The following AUTS2 variants were observed in gnomAD, a reference collection of about 807,000 sequenced individuals.
The protein encoded by AUTS2 is autism susceptibility gene 2 protein.
In AUTS2, 17 loss-of-function variants were observed where a neutral mutation model predicts 112.4. The observed-to-expected ratio is 0.15, with a 90% CI of 0.10 to 0.23. The LOEUF (loss-of-function observed/expected upper bound fraction) is 0.23. Among genes scored for constraint, AUTS2 ranks in the 10% least tolerant of loss-of-function variants. The pLI, the probability that AUTS2 is intolerant of heterozygous loss-of-function variation, is 1.00. For synonymous variants in AUTS2, 751 were observed against 702.7 expected, an observed-to-expected ratio of 1.07 and a Z score of -1.09; for missense variants, 1,510 against 1,701.6, an observed-to-expected ratio of 0.89 and a Z score of 1.98.
chr7:70,526,052 G>GA (rs200670298), intron 5 of AUTS2, among the ~76,000 whole-genome samples: 4 of 151,028 alleles, frequency 2.6e-5, no homozygotes, highest in Non-Finnish European at 5.9e-5. Flanking sequence ...CCTACCTAGA[G>GA]AAAAAAAAAT....
At chr7:69,959,162 C>T (rs1768665796) in intron 2 of AUTS2, among the ~76,000 whole-genome samples, 1 of 152,158 alleles carries the variant, frequency 6.6e-6, no homozygotes, top group African/African-American at 2.4e-5. Flanking sequence ...CTACCCTGTC[C>T]TTCCTAATAT....
At chr7:70,301,535 C>T (rs1160239552) in intron 4 of AUTS2, among the ~76,000 whole-genome samples, 2 of 152,076 alleles carry the variant, frequency 1.3e-5, no homozygotes, top group Non-Finnish European at 2.9e-5. Context: ...GCTTTGAAGA[C>T]GTGCAACATT....
At chr7:70,753,714 A>G (rs1210151905) in intron 6 of AUTS2, among the ~76,000 whole-genome samples, 1 of 152,268 alleles carries the variant, frequency 6.6e-6, no homozygotes, top group Non-Finnish European at 1.5e-5. Context: ...TTTTGGAGAT[A>G]CAATCAAAAC....
In AUTS2 at chr7:70,465,052, A is replaced by G. The variant is rs545710857; in HGVS notation, c.690+29271A>G. ...GAGGGAGAGAGAAGAGAAAATCAAG[A>G]AAGTACACCAGCCGGCCTACTTCTA... is the stretch of plus-strand genomic sequence containing the variant. On this transcript the variant is annotated intron_variant, in intron 5 of 18. Transcript: ENST00000342771. Among the ~76,000 whole-genome samples the G allele has an allele frequency of 3.9e-5, 6 of 152,288 alleles. 1 individual carries two copies. In the South Asian group the frequency reaches 1.2e-3, roughly 32 times the overall value.
intron 5 of AUTS2, among the ~76,000 whole-genome samples, chr7:70,646,462 A>T (rs1806165893): frequency 6.6e-6 from 1 of 152,202 alleles, no homozygotes; most frequent in Non-Finnish European, 1.5e-5. Context: ...GGTCACCTGG[A>T]CGGTCCCAAG....
intron 2 of AUTS2, among the ~76,000 whole-genome samples, chr7:70,061,064 G>A (rs1340054292): frequency 6.6e-6 from 1 of 152,154 alleles, no homozygotes; most frequent in Non-Finnish European, 1.5e-5. Context: ...TAAATCTGTA[G>A]GTTCTTTCTG....
chr7:70,301,252 G>GAAA (rs1286114244), intron 4 of AUTS2, among the ~76,000 whole-genome samples: 1 of 152,178 alleles, frequency 6.6e-6, no homozygotes, highest in African/African-American at 2.4e-5. Flanking sequence ...ATTTTCCAAT[G>GAAA]AAAGTTCACT....
rs116800085 is a variant in AUTS2 at position 69,813,403 on chromosome 7, A to T, written c.310-85883A>T. 3.1e-3 allele frequency among the ~76,000 whole-genome samples: 476 copies of T among 152,180 alleles called. 3 individuals are homozygous for T. Among genetic ancestry groups the T allele is most frequent in the African/African-American group, 0.011 (469 of 41,532 alleles). ...GATTCTAGCACATTTGGAAAAAGAG[A>T]GTGTGGTTTAGAAGGACAGTGGCTC... On this transcript the variant is annotated intron_variant, in intron 1 of 18. Transcript: ENST00000342771.
chr7:70,417,471 G>A (rs1348022495), intron 4 of AUTS2, among the ~76,000 whole-genome samples: 1 of 152,158 alleles, frequency 6.6e-6, no homozygotes, highest in Non-Finnish European at 1.5e-5. Context: ...TCTAGAAGGG[G>A]AGAGAGAGAC....
chr7:70,484,375 A>C (rs142203762), intron 5 of AUTS2, among the ~76,000 whole-genome samples: 99 of 152,328 alleles, frequency 6.5e-4, no homozygotes, highest in Admixed American at 2.1e-3. Context: ...CCAAACTGAC[A>C]TCATGTTTTG....
At chr7:70,489,000 T>C (rs1389720557) in intron 5 of AUTS2, among the ~76,000 whole-genome samples, 1 of 152,192 alleles carries the variant, frequency 6.6e-6, no homozygotes, top group East Asian at 1.9e-4. Context: ...AATGGGATGA[T>C]GACAGTCCTG....
intron 1 of AUTS2, among the ~76,000 whole-genome samples, chr7:69,714,134 C>T (rs1166743814): frequency 6.6e-6 from 1 of 151,542 alleles, no homozygotes; most frequent in African/African-American, 2.4e-5. Context: ...GATCACAGCT[C>T]ACTGCAGCCT....
At chr7:69,875,033 C>G (rs1584374803) in intron 1 of AUTS2, among the ~76,000 whole-genome samples, 2 of 151,052 alleles carry the variant, frequency 1.3e-5, no homozygotes, top group Non-Finnish European at 2.9e-5. Flanking sequence ...CTACCCCCAA[C>G]CCTTTTTTTT....
intron 4 of AUTS2, among the ~76,000 whole-genome samples, chr7:70,261,596 A>G (rs1227632377): frequency 1.3e-5 from 2 of 152,224 alleles, no homozygotes; most frequent in Admixed American, 6.5e-5. Context: ...TCTCTCATGT[A>G]TATCCTGATC....
At chr7:70,763,855 A>G (rs1174666923) in intron 7 of AUTS2, among the ~76,000 whole-genome samples, 1 of 152,158 alleles carries the variant, frequency 6.6e-6, no homozygotes, top group African/African-American at 2.4e-5. Flanking sequence ...TATGTGGGTC[A>G]GAGAAGTAGG....
At chr7:69,985,580 C>T (rs1337209815) in intron 2 of AUTS2, among the ~76,000 whole-genome samples, 2 of 152,264 alleles carry the variant, frequency 1.3e-5, no homozygotes, top group South Asian at 2.1e-4. Flanking sequence ...TATGTGGCTC[C>T]CTGCCCACTT....
chr7:69,962,972 A>G (rs548709603), intron 2 of AUTS2, among the ~76,000 whole-genome samples: 36 of 152,292 alleles, frequency 2.4e-4, no homozygotes, highest in Admixed American at 4.6e-4. Flanking sequence ...CTTAAAAAGC[A>G]TTCAGATGTT....
intron 5 of AUTS2, among the ~76,000 whole-genome samples, chr7:70,630,776 A>C (rs945954665): frequency 6.6e-6 from 1 of 152,236 alleles, no homozygotes; most frequent in South Asian, 2.1e-4. Context: ...GACCCATTTC[A>C]TACAAAATTT....
At chr7:70,248,437 T>G (rs1034739086) in intron 4 of AUTS2, among the ~76,000 whole-genome samples, 1 of 152,164 alleles carries the variant, frequency 6.6e-6, no homozygotes, top group African/African-American at 2.4e-5. Context: ...TCTCTGTGTT[T>G]TAGGTATGTT....
Sources: gnomAD v4.1 joint callset for allele counts (sites outside exome capture counted in the v4.1 genomes callset) on GRCh38, gnomAD v4.1.1 for gene constraint, MANE v1.5 for transcripts, NCBI Gene and HGNC (gene_info 2026-07-23, HGNC 2026-07-21) for gene names.